The following CPNE8 variants were observed in gnomAD, a reference collection of about 807,000 sequenced individuals.
The protein encoded by CPNE8 is copine-8.
In CPNE8, 45 loss-of-function variants were observed where a neutral mutation model predicts 81.5. The ratio of observed to expected loss-of-function variants is 0.55; its 90% CI spans 0.44 to 0.71. The LOEUF is 0.71. Among genes scored for constraint, CPNE8 ranks in the 30% least tolerant of loss-of-function variants. CPNE8 has a pLI of 0.00. For synonymous variants in CPNE8, 252 were observed against 226.3 expected (o/e 1.11, Z -1.02); for missense variants, 594 against 672.1 (o/e 0.88, Z 1.28).
intron 2 of CPNE8, among the ~76,000 whole-genome samples, chr12:38,874,167 T>C (rs1944032894): frequency 6.6e-6 from 1 of 152,160 alleles, no homozygotes; most frequent in Non-Finnish European, 1.5e-5. Context: ...AACTTTAAAT[T>C]ATGGCCCATT....
At chr12:38,701,469 T>C (rs1939944326) in intron 14 of CPNE8, among the ~76,000 whole-genome samples, 1 of 151,978 alleles carries the variant, frequency 6.6e-6, no homozygotes, top group Admixed American at 6.6e-5. Context: ...ATTTTAGGTA[T>C]TATTTCTTTT....
chr12:38,902,270 A>G (rs12811406), intron 1 of CPNE8, among the ~76,000 whole-genome samples: 2,069 of 117,288 alleles, frequency 0.018, 90 homozygotes, highest in African/African-American at 0.073. Context: ...GAAAGAAAGA[A>G]AAAGAAAAGA....
At chr12:38,724,210 G>C in intron 12 of CPNE8, among the ~76,000 whole-genome samples, 1 of 152,090 alleles carries the variant, frequency 6.6e-6, no homozygotes, top group South Asian at 2.1e-4. Context: ...TTTCAGTCAG[G>C]ATTCTGTAAC....
At position 38,750,047 on chromosome 12, in the gene CPNE8, G is replaced by C. The variant is rs192577907; in HGVS notation, c.722+10800C>G. Reference sequence around the variant, plus strand: ...GGGCCCAGGGTCACTGTGATGCTCTGTGCAGTCTAGAAACTTGGTGCTCTG... The same window carrying C: ...GGGCCCAGGGTCACTGTGATGCTCTCTGCAGTCTAGAAACTTGGTGCTCTG... On this transcript the variant is annotated intron_variant, in intron 10 of 19. Transcript: ENST00000331366. 3.4e-3 allele frequency among the ~76,000 whole-genome samples: 512 copies of C among 152,190 alleles called. 1 individual carries two copies. The highest frequency in any genetic ancestry group is 5.3e-3 in the Non-Finnish European group (360 of 68,010).
At chr12:38,671,050 T>C (rs563797401) in intron 18 of CPNE8, 1 of 390,816 alleles carries the variant, frequency 2.6e-6, no homozygotes, top group South Asian at 3.5e-5. Context: ...AGTCTCTGGG[T>C]CTATCTCTTT....
chr12:38,860,144 C>T (rs1241672760), intron 3 of CPNE8, among the ~76,000 whole-genome samples: 1 of 151,798 alleles, frequency 6.6e-6, no homozygotes, highest in Non-Finnish European at 1.5e-5. Context: ...TATTTGTGTA[C>T]CATCTGATGA....
intron 3 of CPNE8, among the ~76,000 whole-genome samples, chr12:38,864,597 C>T (rs1943889360): frequency 6.6e-6 from 1 of 152,150 alleles, no homozygotes; most frequent in South Asian, 2.1e-4. Context: ...AATTGTGCAG[C>T]GGAGAAAGGC....
At chr12:38,784,976 C>T (rs1942145317) in intron 6 of CPNE8, among the ~76,000 whole-genome samples, 1 of 152,100 alleles carries the variant, frequency 6.6e-6, no homozygotes, top group Non-Finnish European at 1.5e-5. Context: ...GGGCAGATCA[C>T]CTGAGGTCAG....
At chr12:38,874,826 C>T (rs1353515473) in intron 1 of CPNE8, among the ~76,000 whole-genome samples, 1 of 152,064 alleles carries the variant, frequency 6.6e-6, no homozygotes, top group Non-Finnish European at 1.5e-5. Flanking sequence ...TTTAGGTTTC[C>T]ATTTAATCCT....
intron 11 of CPNE8, among the ~76,000 whole-genome samples, chr12:38,728,626 C>T (rs1940760878): frequency 6.6e-6 from 1 of 151,958 alleles, no homozygotes; most frequent in African/African-American, 2.4e-5. Flanking sequence ...CATGGGACAC[C>T]ATTAAGCATA....
At chr12:38,886,657 T>A (rs1374082504) in intron 1 of CPNE8, among the ~76,000 whole-genome samples, 1 of 152,196 alleles carries the variant, frequency 6.6e-6, no homozygotes. Flanking sequence ...AGCCTAAGGC[T>A]GCTCCTCCAA....
chr12:38,876,351 T>G (rs2137112859), intron 1 of CPNE8, among the ~76,000 whole-genome samples: 1 of 152,212 alleles, frequency 6.6e-6, no homozygotes, highest in South Asian at 2.1e-4. Flanking sequence ...GTAGCTGGGA[T>G]TACAGGCATG....
chr12:38,866,691 T>C (rs1268785111), intron 3 of CPNE8, among the ~76,000 whole-genome samples: 2 of 152,192 alleles, frequency 1.3e-5, no homozygotes, highest in Non-Finnish European at 2.9e-5. Flanking sequence ...CTAGTTATCA[T>C]GACACATACA....
chr12:38,863,031 G>C (rs1387526206), intron 3 of CPNE8, among the ~76,000 whole-genome samples: 2 of 152,106 alleles, frequency 1.3e-5, no homozygotes, highest in African/African-American at 4.8e-5. Flanking sequence ...TTTTTAATTA[G>C]AGATAACCAT....
rs190588330 is a variant in CPNE8 at position 38,881,760 on chromosome 12, G to A, written c.99-7249C>T. ...TCAGAACTTGACATGTCAGAGCTCT[G>A]GTTAGCCTGAGATAAATACAAGAAC... On this transcript the variant is annotated intron_variant, in intron 1 of 19. Coordinates refer to ENST00000331366, the MANE Select transcript of CPNE8 (RefSeq NM_153634.3). 2.1e-3 allele frequency among the ~76,000 whole-genome samples: 318 copies of A among 152,230 alleles called. 2 individuals carry two copies. Among genetic ancestry groups the A allele is most frequent in the African/African-American group, 7.3e-3 (305 of 41,516 alleles).
intron 1 of CPNE8, among the ~76,000 whole-genome samples, chr12:38,903,315 G>A (rs942012425): frequency 1.3e-5 from 2 of 151,328 alleles, no homozygotes; most frequent in Non-Finnish European, 2.9e-5. Flanking sequence ...AAGTATTCAG[G>A]TTCTCTTTCA....
At chr12:38,902,674 C>A (rs79770455) in intron 1 of CPNE8, among the ~76,000 whole-genome samples, 8,120 of 152,158 alleles carry the variant, frequency 0.053, 691 homozygotes, top group African/African-American at 0.18. Flanking sequence ...ATAGAGAAAG[C>A]GGGAACAGGT....
intron 19 of CPNE8, 63 bp from the exon 20 acceptor site, chr12:38,654,133 A>T (rs571740318): frequency 6.7e-7 from 1 of 1,499,566 alleles, no homozygotes; most frequent in Non-Finnish European, 8.9e-7. Context: ...TAAACACAAA[A>T]AATCAACACA....
At chr12:38,866,237 A>G (rs777062486) in intron 3 of CPNE8, among the ~76,000 whole-genome samples, 1 of 152,214 alleles carries the variant, frequency 6.6e-6, no homozygotes, top group African/African-American at 2.4e-5. Context: ...AATCCCCTCA[A>G]TCAATCACAG....
Sources: allele counts gnomAD v4.1 joint callset (sites outside exome capture counted in the v4.1 genomes callset), GRCh38; gene constraint gnomAD v4.1.1; transcripts MANE v1.5; gene names NCBI Gene and HGNC (gene_info 2026-07-23, HGNC 2026-07-21).